The following KDM4A variants were observed in gnomAD, a reference collection of about 807,000 sequenced individuals.
KDM4A encodes lysine-specific demethylase 4A.
In KDM4A, 23 loss-of-function variants were observed where a neutral mutation model predicts 127.1. The observed-to-expected ratio is 0.18, with a 90% CI of 0.13 to 0.26. The LOEUF is 0.26. Among genes scored for constraint, KDM4A ranks in the 10% least tolerant of loss-of-function variants. The pLI is 1.00. For synonymous variants in KDM4A, 443 were observed against 466.5 expected (o/e 0.95, Z 0.65); for missense variants, 890 against 1,329.1 (o/e 0.67, Z 5.14).
At chr1:43,661,467 G>A (rs1660374961) in intron 4 of KDM4A, among the ~76,000 whole-genome samples, 1 of 151,202 alleles carries the variant, frequency 6.6e-6, no homozygotes, top group African/African-American at 2.4e-5. Context: ...AAAGTAGCCT[G>A]CAGTAGCGGG....
rs1661110869 is a variant in KDM4A, at chr1:43,691,557, C to T, written c.2304C>T (p.Ala768=). 2 of 1,613,544 alleles carry T rather than the reference C, an allele frequency of 1.2e-6. No individual in the cohort carries two copies. Among genetic ancestry groups the T allele is most frequent in the Admixed American group, 1.7e-5 (1 of 59,964 alleles). ...ACTGGATGTGTTCTCGGTGTTCAGC[C>T]AATGCCCTAGAGGAGGTGAGTGATC... ...SEDWMCSRCS[A]NALEEDCCLC... is the part of the protein sequence containing the mutation. Residue 768 remains alanine (A), a synonymous_variant, in exon 15 of 22, where the codon GCC becomes GCT. Transcript: ENST00000372396.
At chr1:43,664,997 GA>G (rs60618895) in intron 5 of KDM4A, among the ~76,000 whole-genome samples, 37,797 of 152,084 alleles carry the variant, frequency 0.25, 5,434 homozygotes, top group Non-Finnish European at 0.33. Context: ...ATAATCTTCA[GA>G]AGAGATTAAA....
At chr1:43,656,329 GTTTT>G (rs11438925) in intron 3 of KDM4A, among the ~76,000 whole-genome samples, 1 of 54,150 alleles carries the variant, frequency 1.8e-5, no homozygotes, top group Non-Finnish European at 3.3e-5. Flanking sequence ...TCTGCTGTTG[GTTTT>G]TTTTTTTTTT....
chr1:43,692,316 G>C lies in KDM4A; in HGVS notation c.2375+5G>C. ...GCAGAGAGCAAATGATGACAGGTAA[G>C]TTTCCTGAGCAGTGCCTTGGAATGC... On this transcript the variant is annotated splice_donor_5th_base_variant and intron_variant, in intron 16 of 21. Coordinates refer to ENST00000372396, the MANE Select transcript of KDM4A (RefSeq NM_014663.3). 1.9e-6 allele frequency: 3 copies of C among 1,613,588 alleles called. No individual in the cohort carries two copies. Among genetic ancestry groups the C allele is most frequent in the Non-Finnish European group, 2.5e-6 (3 of 1,179,654 alleles).
chr1:43,660,041 TTGAGGA>T (rs1268491639), intron 3 of KDM4A, among the ~76,000 whole-genome samples: 1 of 152,036 alleles, frequency 6.6e-6, no homozygotes, highest in African/African-American at 2.4e-5. Flanking sequence ...CTTCAGAGAG[TTGAGGA>T]TGTTGTGCTT....
In KDM4A at chr1:43,669,118, A is replaced by G; in HGVS notation, c.1182A>G (p.Ile394Met). 6.2e-7 allele frequency: 1 copy of G among 1,614,226 alleles called. No individual in the cohort carries two copies. Residue 394 changes from isoleucine (I) to methionine (M), a missense_variant, in exon 10 of 22, where the codon ATA (isoleucine) becomes ATG (methionine). This residue lies in a region of KDM4A where 389 missense variants were observed against 485.9 expected (regional missense o/e 0.80). Transcript: ENST00000372396. ...CTTGCAGCCTGGCCAAGCACCGAAT[A>G]GGGACAAAGAGGCACCGAGTTTGTC... ...DLKTSLAKHRIGTKRHRVCLE... is the reference protein window; with the variant it reads ...DLKTSLAKHRMGTKRHRVCLE...
chr1:43,666,401 G>A (rs762131528), intron 6 of KDM4A, 51 bp from the exon 7 acceptor site: 1 of 1,429,650 alleles, frequency 7.0e-7, no homozygotes, highest in South Asian at 1.2e-5. Context: ...CTCCAGGATT[G>A]CGGAGCTAGT....
chr1:43,703,939 G>A, intron 20 of KDM4A, 81 bp from the exon 21 acceptor site: 3 of 1,360,934 alleles, frequency 2.2e-6, no homozygotes, highest in Non-Finnish European at 2.1e-6. Context: ...TCCTTTGACT[G>A]TAGGGGACTG....
rs2154048795 is a variant in KDM4A, at chr1:43,694,110, C to G, written c.2484+8C>G. The stretch of plus-strand genomic sequence containing the variant: ...CTGCCCCGCTTCAAACTGGTAAGGG[C>G]TTGTAGACTCTACATAATTTCCCGA... On this transcript the variant is annotated splice_region_variant and intron_variant, in intron 17 of 21. Transcript: ENST00000372396. The surrounding 1 kb of genome is among the most constrained non-coding windows in gnomAD (Gnocchi z 5.2). 5.0e-6 allele frequency: 8 copies of G among 1,594,712 alleles called. No homozygotes were observed. Among genetic ancestry groups the G allele is most frequent in the Non-Finnish European group, 6.9e-6 (8 of 1,162,502 alleles).
intron 3 of KDM4A, among the ~76,000 whole-genome samples, chr1:43,658,496 A>G (rs972705883): frequency 6.9e-6 from 1 of 145,008 alleles, no homozygotes; most frequent in African/African-American, 2.7e-5. Flanking sequence ...GCAGTTACTT[A>G]GTCAGATTTT....
Position 43,690,835 on chromosome 1 carries a change from T to TTC in KDM4A, c.2038-9_2038-8dup. On this transcript the variant is annotated splice_polypyrimidine_tract_variant and intron_variant, in intron 13 of 21. Coordinates refer to ENST00000372396, the MANE Select transcript of KDM4A (RefSeq NM_014663.3). ...GCTCACTGAGGTGTACACTTGTTCT[T>TTC]TCCCCTTAGGTTGAATTTGGAGGCT... The TTC allele has an allele frequency of 6.2e-7, 1 of 1,614,050 alleles. No individual in the cohort carries two copies. The highest frequency in any genetic ancestry group is 1.3e-5 in the African/African-American group (1 of 75,050).
rs761526977 is a variant in KDM4A at position 43,688,948 on chromosome 1, T to C, written c.1890T>C (p.Ala630=). 6.2e-6 allele frequency: 10 copies of C among 1,614,158 alleles called. No homozygotes were observed. Among genetic ancestry groups the C allele is most frequent in the Non-Finnish European group, 8.5e-6 (10 of 1,180,016 alleles). ...TSEQLTPEEE[A]EETEAWAKPL... is the part of the protein sequence containing the mutation. ...AACAGCTGACCCCTGAGGAAGAGGC[T>C]GAGGAGACAGAGGCCTGGGCCAAGC... The change falls in exon 13 of 22, where the codon GCT becomes GCC. Residue 630 remains alanine, a synonymous_variant. Transcript: ENST00000372396. This position sits in a 1 kb window ranked among gnomAD's most constrained non-coding sequence, Gnocchi z 4.4.
In KDM4A at chr1:43,704,361, C is replaced by T; in HGVS notation, c.3186C>T (p.Ile1062=). Residue 1062 remains isoleucine (I), a synonymous_variant, in exon 22 of 22, where the codon ATC becomes ATT. Coordinates refer to ENST00000372396, the MANE Select transcript of KDM4A (RefSeq NM_014663.3). The part of the protein sequence containing the change: ...DYIEPALYRA[I]ME Reference sequence around the variant, plus strand: ...TTGAGCCTGCACTATACCGGGCCATCATGGAGTAGGTGCTTCCAGGGTCCA... The same window carrying T: ...TTGAGCCTGCACTATACCGGGCCATTATGGAGTAGGTGCTTCCAGGGTCCA... 1.9e-6 allele frequency: 3 copies of T among 1,613,414 alleles called. No homozygotes were observed. The highest frequency in any genetic ancestry group is 2.5e-6 in the Non-Finnish European group (3 of 1,179,862).
intron 3 of KDM4A, among the ~76,000 whole-genome samples, chr1:43,657,003 A>G (rs1418385097): frequency 6.6e-6 from 1 of 152,072 alleles, no homozygotes; most frequent in African/African-American, 2.4e-5. Context: ...CCCAGGCTCA[A>G]AATGATCCTC....
intron 12 of KDM4A, among the ~76,000 whole-genome samples, chr1:43,687,476 C>T (rs887535332): frequency 1.3e-5 from 2 of 152,176 alleles, no homozygotes; most frequent in Non-Finnish European, 2.9e-5. Context: ...TGGGATGCCC[C>T]GTGTGATGGG....
chr1:43,653,968 A>C (rs1217093436), intron 2 of KDM4A, among the ~76,000 whole-genome samples: 1 of 149,166 alleles, frequency 6.7e-6, no homozygotes, highest in Non-Finnish European at 1.5e-5. Flanking sequence ...ACACCATTTT[A>C]TGTTGTTTGA....
At position 43,651,405 on chromosome 1, in the gene KDM4A, G is replaced by C. The variant is rs114493577; in HGVS notation, c.-40+1153G>C. ...AGTATACCTGCCATGCAAAGTTTCTGCCAGGTTCATGAAAAGCGCCTGTTT... is the reference window on the plus strand; with the variant it reads ...AGTATACCTGCCATGCAAAGTTTCTCCCAGGTTCATGAAAAGCGCCTGTTT... On this transcript the variant is annotated intron_variant, in intron 1 of 21. Transcript: ENST00000372396. 2.9e-3 allele frequency among the ~76,000 whole-genome samples: 439 copies of C among 152,282 alleles called. 4 individuals are homozygous for C. The highest frequency in any genetic ancestry group is 0.01 in the African/African-American group (428 of 41,564).
intron 3 of KDM4A, among the ~76,000 whole-genome samples, chr1:43,657,612 C>T (rs1660274274): frequency 6.6e-6 from 1 of 152,176 alleles, no homozygotes; most frequent in Non-Finnish European, 1.5e-5. Flanking sequence ...AGGCTGTATC[C>T]TTCCTGCCAT....
Position 43,694,651 on chromosome 1 carries a change from C to A in KDM4A, c.2485-58C>A. 1.3e-6 allele frequency: 2 copies of A among 1,484,072 alleles called. No individual in the cohort carries two copies. Among genetic ancestry groups the A allele is most frequent in the Non-Finnish European group, 1.9e-6 (2 of 1,078,586 alleles). The allele number at this position is 1,484,072 out of a possible 1,614,324, so 91.9% of individuals were successfully genotyped here. ...GGCTTTGCATTTGGGAGGGGAACAA[C>A]AGAGGAAGCTGCAGTGCCAGTTCCT... On this transcript the variant is annotated intron_variant, in intron 17 of 21. Transcript: ENST00000372396. This position sits in a 1 kb window ranked among gnomAD's most constrained non-coding sequence, Gnocchi z 5.2.
Sources: gnomAD v4.1 joint callset for allele counts (sites outside exome capture counted in the v4.1 genomes callset) on GRCh38, gnomAD v4.1.1 for gene constraint, gnomAD v4.1.1 regional missense constraint, Gnocchi (gnomAD v3.1) non-coding constraint, MANE v1.5 for transcripts, NCBI Gene and HGNC (gene_info 2026-07-23, HGNC 2026-07-21) for gene names.